The following EML4 variants were observed in gnomAD, a reference collection of about 807,000 sequenced individuals.
EML4 encodes EMAP like 4.
EML4 carries 72 observed loss-of-function variants against 129.0 expected under a neutral mutation model. The observed-to-expected ratio is 0.56, with a 90% CI of 0.46 to 0.68. EML4 has a LOEUF of 0.68. EML4 is among the 30% of genes least tolerant of loss of function. EML4 has a pLI of 0.00. For missense variants in EML4, 1,363 were observed against 1,190.6 expected (o/e 1.14, Z -2.13); for synonymous variants, 532 against 405.0 (o/e 1.31, Z -3.77).
intron 17 of EML4, among the ~76,000 whole-genome samples, chr2:42,314,048 G>T (rs1572743832): frequency 1.3e-5 from 2 of 151,750 alleles, no homozygotes; most frequent in South Asian, 4.2e-4. Context: ...GTAGGAGCAG[G>T]TAAAAAATAA....
chr2:42,264,121 T>G (rs1441532557), intron 5 of EML4, among the ~76,000 whole-genome samples: 1 of 146,010 alleles, frequency 6.8e-6, no homozygotes, highest in Admixed American at 6.9e-5. Context: ...TTTTTTTTTT[T>G]TTTTTTTTGA....
intron 17 of EML4, 128 bp downstream of exon 17, chr2:42,304,679 C>G (rs1572725087): frequency 2.7e-6 from 2 of 731,970 alleles, no homozygotes; most frequent in East Asian, 5.1e-5. Flanking sequence ...TTGTTCTTAT[C>G]CGTTTTGTAT....
intron 11 of EML4, chr2:42,288,593 A>C: frequency 2.5e-5 from 5 of 199,538 alleles, no homozygotes; most frequent in East Asian, 1.1e-4. Context: ...GTGTGATCTC[A>C]TAATTAAGAC....
chr2:42,207,603 G>A (rs1558502522), intron 1 of EML4, among the ~76,000 whole-genome samples: 1 of 152,104 alleles, frequency 6.6e-6, no homozygotes, highest in Non-Finnish European at 1.5e-5. Flanking sequence ...AATAAATTTA[G>A]TTAACAGGCA....
intron 1 of EML4, among the ~76,000 whole-genome samples, chr2:42,176,570 T>G (rs1291278690): frequency 6.6e-6 from 1 of 152,242 alleles, no homozygotes; most frequent in Admixed American, 6.5e-5. Context: ...CTGATGACTA[T>G]TCTCAGTACC....
At chr2:42,242,665 C>G (rs927038924) in intron 1 of EML4, among the ~76,000 whole-genome samples, 1 of 151,630 alleles carries the variant, frequency 6.6e-6, no homozygotes, top group African/African-American at 2.4e-5. Context: ...CTCCCTCTCT[C>G]CTTTCCTCCC....
chr2:42,236,581 A>G (rs774422379), intron 1 of EML4, among the ~76,000 whole-genome samples: 3 of 152,330 alleles, frequency 2.0e-5, no homozygotes, highest in East Asian at 3.9e-4. Flanking sequence ...AGTTTGCTCC[A>G]CAGACTGTGT....
intron 1 of EML4, among the ~76,000 whole-genome samples, chr2:42,215,129 G>A (rs1673107124): frequency 6.6e-6 from 1 of 152,126 alleles, no homozygotes; most frequent in Non-Finnish European, 1.5e-5. Context: ...GCGTGATTAT[G>A]GCTCACCGCA....
rs1670129640 is a variant in EML4, at chr2:42,332,037, A to C, written c.*1830A>C. Reference sequence around the variant, plus strand: ...TACATACTTATCGGAGCGCGCCAGTAAGTATCAGGCATATATATCTGTCTG... The same window carrying C: ...TACATACTTATCGGAGCGCGCCAGTCAGTATCAGGCATATATATCTGTCTG... On this transcript the variant is annotated 3_prime_UTR_variant, in exon 23 of 23. Coordinates refer to ENST00000318522, the MANE Select transcript of EML4 (RefSeq NM_019063.5). 1 of 222,722 alleles carries C rather than the reference A, an allele frequency of 4.5e-6. No individual in the cohort carries two copies. The highest frequency in any genetic ancestry group is 9.0e-6 in the Non-Finnish European group (1 of 111,208). The allele number at this position is 222,722 out of a possible 1,614,324, so 13.8% of individuals were successfully genotyped here. A position where few individuals can be genotyped will look rare whatever the true frequency, so the allele number is the denominator to read the frequency against.
At chr2:42,298,195 G>GA (rs1170389076) in intron 13 of EML4, among the ~76,000 whole-genome samples, 1 of 152,114 alleles carries the variant, frequency 6.6e-6, no homozygotes, top group Non-Finnish European at 1.5e-5. Flanking sequence ...CAGTTGCTAA[G>GA]AATACAACAT....
intron 1 of EML4, among the ~76,000 whole-genome samples, chr2:42,185,620 T>A (rs902530821): frequency 6.6e-6 from 1 of 152,104 alleles, no homozygotes; most frequent in Non-Finnish European, 1.5e-5. Flanking sequence ...ATATTAATAA[T>A]TGAGTATGGA....
intron 4 of EML4, 25 bp from the exon 5 acceptor site, chr2:42,263,153 T>C (rs1288216985): frequency 1.3e-6 from 2 of 1,592,612 alleles, no homozygotes; most frequent in Non-Finnish European, 1.7e-6. Context: ...AGAATTTTTC[T>C]CTAAGAAATT....
intron 1 of EML4, among the ~76,000 whole-genome samples, chr2:42,175,052 T>C (rs1186020466): frequency 2.6e-5 from 4 of 151,930 alleles, no homozygotes; most frequent in African/African-American, 9.7e-5. Context: ...CCTGACCTTG[T>C]GTGATCCACC....
At position 42,332,311 on chromosome 2, in the gene EML4, A is replaced by G. The variant is rs1670145827; in HGVS notation, c.*2104A>G. On this transcript the variant is annotated 3_prime_UTR_variant, in exon 23 of 23. Coordinates refer to ENST00000318522, the MANE Select transcript of EML4 (RefSeq NM_019063.5). ...CAAAAGACACTACTAATACGCAGGA[A>G]GCGTTCCAGCTATTTAATGCTGGCA... 1 of 212,178 alleles carries G rather than the reference A, an allele frequency of 4.7e-6. No individual in the cohort carries two copies. Among genetic ancestry groups the G allele is most frequent in the Non-Finnish European group, 9.6e-6 (1 of 104,416 alleles). 13.1% of individuals were successfully genotyped at this position (212,178 alleles called of 1,614,324 possible). A position where few individuals can be genotyped will look rare whatever the true frequency, so the allele number is the denominator to read the frequency against.
At chr2:42,279,930 A>G (rs1320517166) in intron 6 of EML4, among the ~76,000 whole-genome samples, 2 of 152,278 alleles carry the variant, frequency 1.3e-5, no homozygotes, top group East Asian at 3.9e-4. Context: ...TGGAGAGACT[A>G]CAAAAGAAAA....
At chr2:42,242,269 C>T (rs1193215672) in intron 1 of EML4, among the ~76,000 whole-genome samples, 30 of 152,064 alleles carry the variant, frequency 2.0e-4, no homozygotes, top group Non-Finnish European at 7.4e-5. Context: ...AGATATAGCT[C>T]ATCTTTCATG....
intron 1 of EML4, among the ~76,000 whole-genome samples, chr2:42,186,098 T>G (rs1394916733): frequency 3.3e-5 from 5 of 152,170 alleles, no homozygotes; most frequent in African/African-American, 1.2e-4. Flanking sequence ...AGTCTATGCT[T>G]TTTTACTGAA....
intron 6 of EML4, among the ~76,000 whole-genome samples, chr2:42,266,871 A>G (rs1666093150): frequency 6.6e-6 from 1 of 152,214 alleles, no homozygotes; most frequent in South Asian, 2.1e-4. Context: ...TGAAATATAA[A>G]TTGAAATATA....
At chr2:42,189,656 A>G (rs1311725180) in intron 1 of EML4, among the ~76,000 whole-genome samples, 1 of 152,254 alleles carries the variant, frequency 6.6e-6, no homozygotes, top group East Asian at 1.9e-4. Flanking sequence ...TAGAACAGAC[A>G]TTAATATCTG....
Sources: allele counts gnomAD v4.1 joint callset (sites outside exome capture counted in the v4.1 genomes callset), GRCh38; gene constraint gnomAD v4.1.1; transcripts MANE v1.5; gene names NCBI Gene and HGNC (gene_info 2026-07-23, HGNC 2026-07-21).